FAM111A: variants seen among roughly 807,000 people sequenced by gnomAD.
FAM111A encodes FAM111 trypsin like peptidase A.
In FAM111A, 8 loss-of-function variants were observed where a neutral mutation model predicts 3.3. That is an observed-to-expected ratio of 2.39 (90% CI 1.40 to 4.32). FAM111A has a LOEUF of 4.32. Among genes scored for constraint, FAM111A ranks in the 30% most tolerant of loss-of-function variants. FAM111A has a pLI of 0.00. For missense variants in FAM111A, 683 were observed against 727.6 expected, an observed-to-expected ratio of 0.94 and a Z score of 0.71; for synonymous variants, 227 against 243.1, an observed-to-expected ratio of 0.93 and a Z score of 0.62.
intron 5 of FAM111A, among the ~76,000 whole-genome samples, chr11:59,150,454 G>T (rs1057021729): frequency 3.3e-5 from 5 of 152,124 alleles, no homozygotes; most frequent in Admixed American, 6.5e-5. Context: ...GTAGTAAGGG[G>T]CATTGCTGGC....
At position 59,152,506 on chromosome 11, in the gene FAM111A, C is replaced by G. The variant is rs1861822227; in HGVS notation, c.838C>G (p.Gln280Glu). The stretch of plus-strand genomic sequence containing the variant: ...AATGGTCCCCAGTGCAGCAGCTTCT[C>G]AGAATCCTGAGTCAGAGAAAAGAAA... ...KRMVPSAAAS[Q>E]NPESEKRNTC... is the part of the protein sequence containing the mutation. The change falls in exon 6 of 6, where the codon CAG becomes GAG. Residue 280 changes from glutamine (Q) to glutamate (E), a missense_variant. This residue lies in a region of FAM111A where 557 missense variants were observed against 600.2 expected (regional missense o/e 0.93). Transcript: ENST00000675163. 1 of 1,613,920 alleles carries G rather than the reference C, an allele frequency of 6.2e-7. No individual in the cohort carries two copies. Among genetic ancestry groups the G allele is most frequent in the South Asian group, 1.1e-5 (1 of 91,056 alleles).
intron 5 of FAM111A, among the ~76,000 whole-genome samples, chr11:59,151,446 C>T (rs1362361928): frequency 3.3e-5 from 5 of 152,180 alleles, no homozygotes; most frequent in East Asian, 1.9e-4. Context: ...CCACCATGCC[C>T]GGCCACTAGT....
intron 5 of FAM111A, among the ~76,000 whole-genome samples, chr11:59,149,589 C>G (rs1288268381): frequency 6.6e-6 from 1 of 152,082 alleles, no homozygotes; most frequent in Non-Finnish European, 1.5e-5. Context: ...ATGTAATAAA[C>G]CAAAATTAAT....
At position 59,153,089 on chromosome 11, in the gene FAM111A, A is replaced by T; in HGVS notation, c.1421A>T (p.His474Leu). ...AGTGGGTTGATACATATTATTGGCC[A>T]TCCATATGGAGAAAAAAAGCAGATT... ...PLSGLIHIIG[H>L]PYGEKKQIDA... The change falls in exon 6 of 6, where the codon CAT becomes CTT. Residue 474 changes from histidine to leucine, a missense_variant. This residue lies in a region of FAM111A where 557 missense variants were observed against 600.2 expected (regional missense o/e 0.93). Coordinates refer to ENST00000675163, the MANE Select transcript of FAM111A (RefSeq NM_001312909.2). The T allele has an allele frequency of 6.2e-7, 1 of 1,614,220 alleles. No individual in the cohort carries two copies. Among genetic ancestry groups the T allele is most frequent in the Non-Finnish European group, 8.5e-7 (1 of 1,180,034 alleles).
chr11:59,149,269 C>A, intron 5 of FAM111A: 1 of 236,696 alleles, frequency 4.2e-6, no homozygotes, highest in Non-Finnish European at 8.3e-6. Context: ...AAAATATTTT[C>A]AATCTGCAGT....
chr11:59,145,276 G>T (rs1348524037), intron 3 of FAM111A: 1 of 152,236 alleles, frequency 6.6e-6, no homozygotes, highest in Non-Finnish European at 1.5e-5. Context: ...AGGGAGAGAG[G>T]CAGAGAGGGG....
At chr11:59,151,709 GT>G in intron 5 of FAM111A, 40 bp from the exon 6 acceptor site, 5 of 1,416,668 alleles carry the variant, frequency 3.5e-6, no homozygotes, top group Non-Finnish European at 4.8e-6. Context: ...AAAGACTCGG[GT>G]TGCATTCAGA....
At position 59,153,558 on chromosome 11, in the gene FAM111A, G is replaced by A. The variant is rs1422774444; in HGVS notation, c.*54G>A. The A allele has an allele frequency of 7.2e-7, 1 of 1,381,062 alleles. No homozygotes were observed. Among genetic ancestry groups the A allele is most frequent in the Admixed American group, 2.3e-5 (1 of 43,238 alleles). 85.6% of individuals were successfully genotyped at this position (1,381,062 alleles called of 1,614,324 possible). Reference sequence around the variant, plus strand: ...GGCTTATGGAGTTGTTATTTCATAGGCATTGAAAATGGTTTTCTAAACTCC... The same window carrying A: ...GGCTTATGGAGTTGTTATTTCATAGACATTGAAAATGGTTTTCTAAACTCC... On this transcript the variant is annotated 3_prime_UTR_variant, in exon 6 of 6. Coordinates refer to ENST00000675163, the MANE Select transcript of FAM111A (RefSeq NM_001312909.2).
intron 4 of FAM111A, 48 bp from the exon 5 acceptor site, chr11:59,148,749 G>A (rs1861266771): frequency 3.0e-6 from 2 of 665,484 alleles, no homozygotes; most frequent in South Asian, 1.9e-5. Context: ...GGGGAAAGAT[G>A]GGACGCAGGA....
chr11:59,143,677 A>T lies in FAM111A; in HGVS notation c.-125A>T, dbSNP rs981448637. 6.6e-6 allele frequency: 1 copy of T among 152,222 alleles called. No individual in the cohort carries two copies. The highest frequency in any genetic ancestry group is 2.4e-5 in the African/African-American group (1 of 41,452). 9.4% of individuals were successfully genotyped at this position (152,222 alleles called of 1,614,324 possible). A position where few individuals can be genotyped will look rare whatever the true frequency, so the allele number is the denominator to read the frequency against. On this transcript the variant is annotated 5_prime_UTR_variant, in exon 3 of 6. The change abolishes an upstream ATG in the 5' untranslated region. Coordinates refer to ENST00000675163, the MANE Select transcript of FAM111A (RefSeq NM_001312909.2). The stretch of plus-strand genomic sequence containing the variant: ...CAGGATAAAATACTCTAAGTGACAA[A>T]TGTTGAGTACATTATCAGGTATGTT...
rs1210745166 is a variant in FAM111A at position 59,152,029 on chromosome 11, C to T, written c.361C>T (p.His121Tyr). ...LQAVRKEIET[H>Y]QGQEMLVRGT... ...GGCTGTCAGAAAAGAGATAGAAACT[C>T]ACCAAGGCCAAGAAATGCTTGTGCG... The change falls in exon 6 of 6, where the codon CAC becomes TAC. Residue 121 changes from histidine (H) to tyrosine (Y), a missense_variant. Around this residue, in one of 3 missense-constraint regions of FAM111A, gnomAD observed 557 missense variants for 600.2 expected, o/e 0.93. Transcript: ENST00000675163. The T allele has an allele frequency of 1.9e-6, 3 of 1,614,078 alleles. No individual in the cohort carries two copies. Among genetic ancestry groups the T allele is most frequent in the Non-Finnish European group, 1.7e-6 (2 of 1,180,042 alleles).
chr11:59,151,736 A>G lies in FAM111A; in HGVS notation c.82-14A>G. The G allele has an allele frequency of 6.5e-7, 1 of 1,549,044 alleles. No individual in the cohort carries two copies. The highest frequency in any genetic ancestry group is 1.4e-5 in the African/African-American group (1 of 72,066). ...TGCATTCAGAGTTTTAAAGTATCTA[A>G]CATTTATTTTTAGGTCTCTAAAGAG... is the stretch of plus-strand genomic sequence containing the variant. On this transcript the variant is annotated splice_polypyrimidine_tract_variant and intron_variant, in intron 5 of 5. Coordinates refer to ENST00000675163, the MANE Select transcript of FAM111A (RefSeq NM_001312909.2).
intron 3 of FAM111A, chr11:59,144,771 T>A (rs1590916135): frequency 1.3e-5 from 2 of 152,412 alleles, no homozygotes; most frequent in East Asian, 3.9e-4. Context: ...GGCGGGCGAT[T>A]CAAACCCCTA....
chr11:59,146,804 G>A (rs568607142), intron 4 of FAM111A, among the ~76,000 whole-genome samples: 1 of 152,302 alleles, frequency 6.6e-6, no homozygotes, highest in East Asian at 1.9e-4. Context: ...ATTCTATAGA[G>A]ACAATTTCTC....
Position 59,153,647 on chromosome 11 carries a change from A to C in FAM111A, c.*143A>C. 1.5e-6 allele frequency: 1 copy of C among 664,844 alleles called. No individual in the cohort carries two copies. Among genetic ancestry groups the C allele is most frequent in the South Asian group, 2.2e-5 (1 of 46,206 alleles). The allele number at this position is 664,844 out of a possible 1,614,324, so 41.2% of individuals were successfully genotyped here. On this transcript the variant is annotated 3_prime_UTR_variant, in exon 6 of 6. Coordinates refer to ENST00000675163, the MANE Select transcript of FAM111A (RefSeq NM_001312909.2). ...TTCCTATCTGCCAGGCATTTTTCTA[A>C]GCACATGAAGAAATTAGTCCTAACA...
At chr11:59,149,342 C>G (rs1239028181) in intron 5 of FAM111A, among the ~76,000 whole-genome samples, 1 of 152,092 alleles carries the variant, frequency 6.6e-6, no homozygotes, top group Non-Finnish European at 1.5e-5. Context: ...ATTAGACTTA[C>G]CTATCCTTGG....
chr11:59,145,860 A>T lies in FAM111A; in HGVS notation c.-77+4A>T, dbSNP rs1018787798. The T allele has an allele frequency of 6.6e-6, 1 of 151,754 alleles. No individual in the cohort carries two copies. The highest frequency in any genetic ancestry group is 1.9e-4 in the East Asian group (1 of 5,192). 9.4% of individuals were successfully genotyped at this position (151,754 alleles called of 1,614,324 possible). Reference sequence around the variant, plus strand: ...CTGTTTAAAAAGTATCCCTGTGGTGAGTGTATTGATATTGATAACATTTAC... The same window carrying T: ...CTGTTTAAAAAGTATCCCTGTGGTGTGTGTATTGATATTGATAACATTTAC... On this transcript the variant is annotated splice_donor_region_variant and intron_variant, in intron 4 of 5. Transcript: ENST00000675163.
At position 59,152,501 on chromosome 11, in the gene FAM111A, C is replaced by T; in HGVS notation, c.833C>T (p.Ala278Val). ...VEKRMVPSAA[A>V]SQNPESEKRN... ...AAAAGAATGGTCCCCAGTGCAGCAG[C>T]TTCTCAGAATCCTGAGTCAGAGAAA... Residue 278 changes from alanine (A) to valine (V), a missense_variant, in exon 6 of 6, where the codon GCT (alanine) becomes GTT (valine). Ala to Val is a moderately conservative substitution (Grantham distance 64). Around this residue, in one of 3 missense-constraint regions of FAM111A, gnomAD observed 557 missense variants for 600.2 expected, o/e 0.93. Coordinates refer to ENST00000675163, the MANE Select transcript of FAM111A (RefSeq NM_001312909.2). The T allele has an allele frequency of 6.2e-7, 1 of 1,614,090 alleles. No homozygotes were observed. The highest frequency in any genetic ancestry group is 8.5e-7 in the Non-Finnish European group (1 of 1,180,014).
intron 5 of FAM111A, chr11:59,149,283 T>C (rs1861353781): frequency 4.5e-6 from 1 of 224,330 alleles, no homozygotes; most frequent in South Asian, 6.5e-5. Flanking sequence ...CTGCAGTTGG[T>C]TGAACCCATA....
Sources: allele counts gnomAD v4.1 joint callset (sites outside exome capture counted in the v4.1 genomes callset), GRCh38; gene constraint gnomAD v4.1.1; regional missense constraint gnomAD v4.1.1; transcripts MANE v1.5; gene names NCBI Gene and HGNC (gene_info 2026-07-23, HGNC 2026-07-21).